SHROOM4: variants seen among roughly 807,000 people sequenced by gnomAD.
SHROOM4 encodes shroom family member 4.
In SHROOM4, 17 loss-of-function variants were observed where a neutral mutation model predicts 80.3. The ratio of observed to expected loss-of-function variants is 0.21; its 90% CI spans 0.14 to 0.32. The LOEUF (loss-of-function observed/expected upper bound fraction) is 0.32, where lower values mean the gene tolerates loss of function less well. SHROOM4 is among the 10% of genes least tolerant of loss of function. The pLI, the probability that SHROOM4 is intolerant of heterozygous loss-of-function variation, is 1.00. For synonymous variants in SHROOM4, 400 were observed against 437.5 expected, an observed-to-expected ratio of 0.91 and a Z score of 1.07; for missense variants, 993 against 1,140.3, an observed-to-expected ratio of 0.87 and a Z score of 1.86.
At chrX:50,763,809 G>C (rs1557269102) in intron 1 of SHROOM4, among the ~76,000 whole-genome samples, 2 of 111,348 alleles carry the variant, frequency 1.8e-5, no homozygotes, top group African/African-American at 6.5e-5. Context: ...GCAGTGACTA[G>C]TAGCTCTCAA....
chrX:50,607,254 G>C (rs1929707269), intron 6 of SHROOM4, 127 bp downstream of exon 6: 2 of 658,059 alleles, frequency 3.0e-6, no homozygotes, highest in South Asian at 2.5e-5. Flanking sequence ...TTCCAGGTAA[G>C]AAAACTGAGG....
chrX:50,660,398 GC>G (rs1426421720), intron 2 of SHROOM4, among the ~76,000 whole-genome samples: 1 of 111,247 alleles, frequency 9.0e-6, no homozygotes, highest in Non-Finnish European at 1.9e-5. Context: ...CCACATGCCT[GC>G]CCCCCAAAAA....
chrX:50,749,862 T>C (rs782031470), intron 1 of SHROOM4, among the ~76,000 whole-genome samples: 8 of 111,915 alleles, frequency 7.1e-5, no homozygotes, highest in African/African-American at 2.6e-4. Context: ...TACCCTGAAC[T>C]GGCTTCCACT....
In SHROOM4 at chrX:50,735,236, C is replaced by T. The variant is rs185902125; in HGVS notation, c.118-39299G>A. Among the ~76,000 whole-genome samples the T allele has an allele frequency of 1.0e-3, 116 of 111,803 alleles. 5 individuals carry two copies. Among genetic ancestry groups the T allele is most frequent in the Non-Finnish European group, 2.6e-4 (14 of 53,164 alleles). On this transcript the variant is annotated intron_variant, in intron 1 of 8. Transcript: ENST00000376020. ...CAAGACAATTCAATAGAAAATGAAT[C>T]ATCTTTTAAACAAATGTTGCAGGGA...
intron 1 of SHROOM4, among the ~76,000 whole-genome samples, chrX:50,797,091 G>C (rs902607164): frequency 2.6e-4 from 27 of 105,725 alleles, no homozygotes; most frequent in East Asian, 1.2e-3. Flanking sequence ...AAAAGAGTGC[G>C]GGGGGAGGGA....
chrX:50,653,315 CT>C (rs1214861731), intron 2 of SHROOM4, among the ~76,000 whole-genome samples: 1 of 111,227 alleles, frequency 9.0e-6, no homozygotes, highest in Non-Finnish European at 1.9e-5. Flanking sequence ...GTATTTTATT[CT>C]CTTTGTAGCA....
intron 1 of SHROOM4, among the ~76,000 whole-genome samples, chrX:50,705,989 T>TACACACACACAC (rs56363612): frequency 7.5e-4 from 56 of 74,379 alleles, no homozygotes; most frequent in African/African-American, 2.5e-3. Context: ...TCTCATCCTC[T>TACACACACACAC]ACACACACAC....
At chrX:50,790,095 T>C (rs1935824816) in intron 1 of SHROOM4, among the ~76,000 whole-genome samples, 1 of 112,066 alleles carries the variant, frequency 8.9e-6, no homozygotes, top group Admixed American at 9.4e-5. Context: ...AGTAAAAATA[T>C]GGTATTACAA....
chrX:50,791,564 C>A (rs1935851361), intron 1 of SHROOM4, among the ~76,000 whole-genome samples: 1 of 99,249 alleles, frequency 1.0e-5, no homozygotes, highest in Non-Finnish European at 2.0e-5. Context: ...CAGGCATGTG[C>A]TACCATGCCT....
At chrX:50,616,392 G>A (rs974052797) in intron 5 of SHROOM4, among the ~76,000 whole-genome samples, 2 of 111,036 alleles carry the variant, frequency 1.8e-5, no homozygotes, top group Admixed American at 9.6e-5. Flanking sequence ...GTCTAGGGTA[G>A]TTGTGTTCAC....
chrX:50,749,415 G>T (rs1418549563), intron 1 of SHROOM4, among the ~76,000 whole-genome samples: 1 of 111,675 alleles, frequency 9.0e-6, no homozygotes, highest in African/African-American at 3.3e-5. Context: ...GGAGATAACA[G>T]AGAGAAGTTA....
intron 2 of SHROOM4, among the ~76,000 whole-genome samples, chrX:50,647,408 G>A (rs868925827): frequency 1.2e-4 from 13 of 111,298 alleles, no homozygotes; most frequent in Non-Finnish European, 1.1e-4. Context: ...GACTTCAGAG[G>A]AGCACATAGG....
At chrX:50,776,191 T>G (rs181404225) in intron 1 of SHROOM4, among the ~76,000 whole-genome samples, 13 of 111,844 alleles carry the variant, frequency 1.2e-4, no homozygotes, top group African/African-American at 3.6e-4. Context: ...GGCAGCCTAG[T>G]ACCAGAGAAA....
chrX:50,780,499 T>C (rs1444543303), intron 1 of SHROOM4, among the ~76,000 whole-genome samples: 2 of 111,903 alleles, frequency 1.8e-5, no homozygotes, highest in African/African-American at 6.5e-5. Flanking sequence ...AAGCTCCACC[T>C]GCCAAGTCTC....
intron 5 of SHROOM4, among the ~76,000 whole-genome samples, chrX:50,619,434 G>A (rs781956320): frequency 1.8e-5 from 2 of 111,495 alleles, no homozygotes; most frequent in African/African-American, 3.3e-5. Flanking sequence ...GAAGTGAGAC[G>A]CAAGGAGGAT....
chrX:50,788,246 C>T (rs782181634), intron 1 of SHROOM4, among the ~76,000 whole-genome samples: 3 of 111,604 alleles, frequency 2.7e-5, no homozygotes, highest in Non-Finnish European at 5.6e-5. Flanking sequence ...TGTTAATCAG[C>T]TTAAAATAGC....
intron 1 of SHROOM4, among the ~76,000 whole-genome samples, chrX:50,750,142 T>C (rs1030825337): frequency 1.8e-5 from 2 of 112,090 alleles, no homozygotes. Flanking sequence ...CTTCTTACCA[T>C]GAAATCCTGA....
chrX:50,801,261 G>GGAGAGGGAGAGA (rs1936112939), intron 1 of SHROOM4, among the ~76,000 whole-genome samples: 2 of 81,530 alleles, frequency 2.5e-5, no homozygotes, highest in South Asian at 1.6e-3. Flanking sequence ...GAGAGAAAGA[G>GGAGAGGGAGAGA]GAGAGAGAGA....
At chrX:50,631,039 G>A (rs1602384614) in intron 4 of SHROOM4, among the ~76,000 whole-genome samples, 1 of 100,653 alleles carries the variant, frequency 9.9e-6, no homozygotes, top group East Asian at 3.0e-4. Flanking sequence ...ATTTTTTAAG[G>A]CTAGCATTAC....
Sources: allele counts gnomAD v4.1 joint callset (sites outside exome capture counted in the v4.1 genomes callset), GRCh38; gene constraint gnomAD v4.1.1; transcripts MANE v1.5; gene names NCBI Gene and HGNC (gene_info 2026-07-23, HGNC 2026-07-21).